MAP4: variants seen among roughly 807,000 people sequenced by gnomAD.
The protein encoded by MAP4 is microtubule associated protein 4.
Under a neutral mutation model 170.2 loss-of-function variants are expected in MAP4, and 76 were observed. The ratio of observed to expected loss-of-function variants is 0.45; its 90% confidence interval spans 0.37 to 0.54. The LOEUF (loss-of-function observed/expected upper bound fraction) is 0.54, where lower values mean the gene tolerates loss of function less well. Among genes scored for constraint, MAP4 ranks in the 20% least tolerant of loss-of-function variants. MAP4 has a pLI of 0.00. For missense variants in MAP4, 2,506 were observed against 2,748.0 expected (o/e 0.91, Z 1.97); for synonymous variants, 909 against 994.5 (o/e 0.91, Z 1.62).
At chr3:48,053,615 C>T (rs770222313) in intron 1 of MAP4, among the ~76,000 whole-genome samples, 16 of 152,136 alleles carry the variant, frequency 1.1e-4, no homozygotes, top group Non-Finnish European at 2.2e-4. Context: ...ATCTGATTTA[C>T]TTCTAACTCT....
At chr3:48,051,488 T>C (rs751188142) in intron 1 of MAP4, among the ~76,000 whole-genome samples, 7 of 152,206 alleles carry the variant, frequency 4.6e-5, no homozygotes, top group Non-Finnish European at 7.3e-5. Flanking sequence ...TATAGCACCA[T>C]TGAGACTCTT....
intron 10 of MAP4, among the ~76,000 whole-genome samples, chr3:47,885,123 T>C (rs2097356087): frequency 6.6e-6 from 1 of 152,080 alleles, no homozygotes; most frequent in African/African-American, 2.4e-5. Flanking sequence ...AGAGAACAGA[T>C]TTTCTCTATT....
chr3:47,867,135 G>T, intron 17 of MAP4, 111 bp downstream of exon 17: 1 of 716,950 alleles, frequency 1.4e-6, no homozygotes, highest in Non-Finnish European at 2.4e-6. Context: ...CTTACAGAAC[G>T]CTACAGCTCA....
rs754444515 is a variant in MAP4, at chr3:47,917,022, T to C, written c.805A>G (p.Lys269Glu). ...TCTTTAGCCAATGCCACCTCGGTTT[T>C]TGTAGCTAGTGCCATGTCCTTGGCG... ...ALAKDMALAT[K>E]TEVALAKDME... The change falls in exon 7 of 21, where the codon AAA (lysine) becomes GAA (glutamate). Residue 269 changes from lysine (K) to glutamate (E), a missense_variant. Physicochemically the swap from Lys to Glu is moderately conservative, Grantham distance 56. Around this residue, in one of 3 missense-constraint regions of MAP4, gnomAD observed 2,008 missense variants for 2,206.0 expected, o/e 0.91. Transcript: ENST00000683076. 3 of 1,614,162 alleles carry C rather than the reference T, an allele frequency of 1.9e-6. No homozygotes were observed. Among genetic ancestry groups the C allele is most frequent in the Non-Finnish European group, 2.5e-6 (3 of 1,180,024 alleles).
intron 1 of MAP4, among the ~76,000 whole-genome samples, chr3:48,062,051 G>C (rs922936426): frequency 5.3e-5 from 8 of 152,196 alleles, no homozygotes; most frequent in Admixed American, 2.0e-4. Context: ...GTTTTGTCGA[G>C]TAGAAAGGGG....
Position 47,998,870 on chromosome 3 carries a change from C to T in MAP4, c.-10G>A. 1 of 1,572,738 alleles carries T rather than the reference C, an allele frequency of 6.4e-7. No homozygotes were observed. The highest frequency in any genetic ancestry group is 8.8e-7 in the Non-Finnish European group (1 of 1,142,356). The stretch of plus-strand genomic sequence containing the variant: ...GACTGAGGTCAGCCATTCTGCACCA[C>T]TGCAACTGCCTGGTGAAGAGGAAAA... On this transcript the variant is annotated 5_prime_UTR_variant, in exon 2 of 21. It adds an upstream start codon to the 5' untranslated region. Coordinates refer to ENST00000683076, the MANE Select transcript of MAP4 (RefSeq NM_001385682.1).
chr3:47,869,283 C>T lies in MAP4; in HGVS notation c.6339G>A (p.Lys2113=), dbSNP rs1407215226. ...KKTEAAATTR[K]PESNAVTKTA... ...TTTTAGTGACTGCATTAGATTCAGGCTTTCGGGTTGTAGCAGCTGCCTCTG... is the reference window on the plus strand; with the variant it reads ...TTTTAGTGACTGCATTAGATTCAGGTTTTCGGGTTGTAGCAGCTGCCTCTG... The change falls in exon 16 of 21, where the codon AAG becomes AAA. Residue 2113 remains lysine, a synonymous_variant. Transcript: ENST00000683076. 6.2e-7 allele frequency: 1 copy of T among 1,614,146 alleles called. No homozygotes were observed. The highest frequency in any genetic ancestry group is 8.5e-7 in the Non-Finnish European group (1 of 1,180,022).
intron 2 of MAP4, among the ~76,000 whole-genome samples, chr3:47,997,346 G>C: frequency 1.3e-5 from 1 of 78,486 alleles, no homozygotes; most frequent in Non-Finnish European, 2.4e-5. Flanking sequence ...AAAAAAAAAA[G>C]ATAAAATCTT....
intron 10 of MAP4, among the ~76,000 whole-genome samples, chr3:47,890,721 C>G (rs980656966): frequency 1.3e-5 from 2 of 152,110 alleles, no homozygotes; most frequent in Admixed American, 1.3e-4. Context: ...GACATGAGGT[C>G]AAGAAAGGGG....
rs932140853 is a variant in MAP4, at chr3:47,922,783, T to C, written c.416-905A>G. On this transcript the variant is annotated intron_variant, in intron 4 of 20. Transcript: ENST00000683076. ...AAAAAAGCAGGGCCGGGCATGGTGG[T>C]TCATGCCTGTAATCCCAGCACTTTG... Among the ~76,000 whole-genome samples the C allele has an allele frequency of 2.4e-4, 37 of 152,256 alleles. No homozygotes were observed. In the East Asian group the frequency reaches 3.3e-3, roughly 14 times the overall value.
At chr3:48,040,859 C>G (rs2100121293) in intron 1 of MAP4, among the ~76,000 whole-genome samples, 1 of 152,220 alleles carries the variant, frequency 6.6e-6, no homozygotes, top group Non-Finnish European at 1.5e-5. Flanking sequence ...GCCACCACAT[C>G]CAGCCAATTT....
chr3:48,006,033 G>A (rs1292320788), intron 1 of MAP4, among the ~76,000 whole-genome samples: 1 of 152,138 alleles, frequency 6.6e-6, no homozygotes, highest in Non-Finnish European at 1.5e-5. Context: ...AATTAATCAC[G>A]GTATTCCTAG....
intron 1 of MAP4, among the ~76,000 whole-genome samples, chr3:48,021,741 T>G (rs900842542): frequency 6.6e-5 from 10 of 152,178 alleles, no homozygotes; most frequent in Non-Finnish European, 1.5e-4. Context: ...ACATAGTAAT[T>G]TAAAAAGTCA....
intron 10 of MAP4, chr3:47,891,501 CAGA>C (rs1394968135): frequency 8.6e-6 from 13 of 1,514,548 alleles, no homozygotes; most frequent in South Asian, 2.5e-5. Flanking sequence ...GGCAGCAGGC[CAGA>C]AGAAGGCTCT....
intron 4 of MAP4, among the ~76,000 whole-genome samples, chr3:47,927,730 C>T (rs2100046888): frequency 6.6e-6 from 1 of 152,148 alleles, no homozygotes; most frequent in Admixed American, 6.5e-5. Context: ...CCACTTTGGC[C>T]TCCCAAAGTG....
At chr3:47,991,379 G>GTGTTGTA in intron 2 of MAP4, among the ~76,000 whole-genome samples, 1 of 152,112 alleles carries the variant, frequency 6.6e-6, no homozygotes, top group Non-Finnish European at 1.5e-5. Flanking sequence ...AGAACATATC[G>GTGTTGTA]AGAGCACTAG....
chr3:47,870,010 C>T lies in MAP4; in HGVS notation c.6295-683G>A, dbSNP rs554665367. On this transcript the variant is annotated intron_variant, in intron 15 of 20. Coordinates refer to ENST00000683076, the MANE Select transcript of MAP4 (RefSeq NM_001385682.1). Reference sequence around the variant, plus strand: ...CACCAGGATTCCACCTCATTTTTGTCCCTCCTGAATTTCTTAACAGCTCCA... The same window carrying T: ...CACCAGGATTCCACCTCATTTTTGTTCCTCCTGAATTTCTTAACAGCTCCA... 8.5e-5 allele frequency among the ~76,000 whole-genome samples: 13 copies of T among 152,218 alleles called. No homozygotes were observed. The East Asian group carries it at 2.5e-3, about 29-fold the overall frequency.
At chr3:48,002,516 T>G (rs1375603061) in intron 1 of MAP4, among the ~76,000 whole-genome samples, 1 of 151,804 alleles carries the variant, frequency 6.6e-6, no homozygotes, top group Non-Finnish European at 1.5e-5. Flanking sequence ...GAGCCATGAT[T>G]GTGATGGCAC....
intron 2 of MAP4, among the ~76,000 whole-genome samples, chr3:47,988,891 C>A (rs1473791792): frequency 2.6e-5 from 4 of 152,136 alleles, no homozygotes; most frequent in Non-Finnish European, 4.4e-5. Flanking sequence ...TGGCTCACTG[C>A]AACCTCCACC....
Sources: allele counts gnomAD v4.1 joint callset (sites outside exome capture counted in the v4.1 genomes callset), GRCh38; gene constraint gnomAD v4.1.1; regional missense constraint gnomAD v4.1.1; transcripts MANE v1.5; gene names NCBI Gene and HGNC (gene_info 2026-07-23, HGNC 2026-07-21).